COG3: variants seen among roughly 807,000 people sequenced by gnomAD.
COG3 encodes component of oligomeric golgi complex 3.
Under a neutral mutation model 114.1 loss-of-function variants are expected in COG3, and 32 were observed. That is an observed-to-expected ratio of 0.28 (90% confidence interval 0.21 to 0.38). The LOEUF (loss-of-function observed/expected upper bound fraction) is 0.38, where lower values mean the gene tolerates loss of function less well. COG3 is among the 10% of genes least tolerant of loss of function. The pLI, the probability that COG3 is intolerant of heterozygous loss-of-function variation, is 1.00. For synonymous variants in COG3, 352 were observed against 365.7 expected, an observed-to-expected ratio of 0.96 and a Z score of 0.43; for missense variants, 813 against 973.2, an observed-to-expected ratio of 0.84 and a Z score of 2.19.
At chr13:45,482,233 A>G (rs1322847689) in intron 5 of COG3, 148 bp from the exon 6 acceptor site, 1 of 515,240 alleles carries the variant, frequency 1.9e-6, no homozygotes. Context: ...CATGTGGGCT[A>G]CATTCGAGGA....
rs1041604141 is a variant in COG3 at position 45,480,174 on chromosome 13, T to A, written c.433T>A (p.Leu145Met). 1.9e-6 allele frequency: 3 copies of A among 1,613,868 alleles called. No homozygotes were observed. The highest frequency in any genetic ancestry group is 2.5e-6 in the Non-Finnish European group (3 of 1,179,808). Residue 145 changes from leucine to methionine, a missense_variant, in exon 4 of 23, where the codon TTG becomes ATG. Around this residue, in one of 2 missense-constraint regions of COG3, gnomAD observed 424 missense variants for 430.6 expected, o/e 0.98. Transcript: ENST00000349995. Reference protein sequence around the residue: ...SGFQEQCDAILNDVNSALQHL... With the variant: ...SGFQEQCDAIMNDVNSALQHL... ...GTTTCAGGAGCAGTGTGATGCTATA[T>A]TGAATGATGTAAACAGTGCTCTTCA... is the stretch of plus-strand genomic sequence containing the variant.
chr13:45,486,799 G>C (rs1393821719), intron 8 of COG3, among the ~76,000 whole-genome samples: 1 of 152,212 alleles, frequency 6.6e-6, no homozygotes, highest in East Asian at 1.9e-4. Context: ...CTCAGGGATG[G>C]TTTCTAGATG....
At chr13:45,511,715 T>A in intron 15 of COG3, 50 bp from the exon 16 acceptor site, 1 of 1,421,524 alleles carries the variant, frequency 7.0e-7, no homozygotes, top group Non-Finnish European at 9.9e-7. Flanking sequence ...ATTCCTTTTT[T>A]TTTGTTTTGT....
intron 8 of COG3, among the ~76,000 whole-genome samples, chr13:45,488,378 A>G (rs972562122): frequency 2.0e-5 from 3 of 152,152 alleles, no homozygotes; most frequent in East Asian, 1.9e-4. Context: ...AAGATTTGAA[A>G]TTTTCCCAGC....
intron 16 of COG3, among the ~76,000 whole-genome samples, chr13:45,514,412 T>C (rs971609706): frequency 6.6e-6 from 1 of 152,104 alleles, no homozygotes; most frequent in Non-Finnish European, 1.5e-5. Flanking sequence ...CCACCCGCCT[T>C]GGCCTCCCAA....
At chr13:45,505,601 G>A (rs35637447) in intron 14 of COG3, among the ~76,000 whole-genome samples, 21,964 of 151,618 alleles carry the variant, frequency 0.14, 2,534 homozygotes, top group African/African-American at 0.32. Context: ...CACTGCGCCT[G>A]ACCAATCCTG....
In COG3 at chr13:45,536,449, A is replaced by G. The variant is rs1873551805; in HGVS notation, c.*1718A>G. ...CCTTACAAAGTGCTGAGTAGGTAAT[A>G]GTGACCCAACTTGTTTGCTAAATGA... On this transcript the variant is annotated 3_prime_UTR_variant, in exon 23 of 23. Transcript: ENST00000349995. 6.6e-6 allele frequency: 1 copy of G among 152,226 alleles called. No individual in the cohort carries two copies. Among genetic ancestry groups the G allele is most frequent in the African/African-American group, 2.4e-5 (1 of 41,456 alleles). 9.4% of individuals were successfully genotyped at this position (152,226 alleles called of 1,614,324 possible).
intron 12 of COG3, among the ~76,000 whole-genome samples, chr13:45,495,062 T>C (rs1868593116): frequency 6.6e-6 from 1 of 151,310 alleles, no homozygotes; most frequent in Non-Finnish European, 1.5e-5. Flanking sequence ...GCCAGGATGG[T>C]CTCGATCTCT....
intron 12 of COG3, 40 bp downstream of exon 12, chr13:45,493,526 G>C (rs559702840): frequency 6.4e-7 from 1 of 1,559,048 alleles, no homozygotes; most frequent in Non-Finnish European, 8.7e-7. Flanking sequence ...TATATCACTG[G>C]CTCAATGAAT....
intron 13 of COG3, among the ~76,000 whole-genome samples, chr13:45,500,214 C>G (rs1052706123): frequency 2.0e-5 from 3 of 151,806 alleles, no homozygotes; most frequent in Admixed American, 6.6e-5. Flanking sequence ...GCTAAGTCAT[C>G]ATGTTTCTAA....
rs1887136793 is a variant in COG3, at chr13:45,493,408, G to A, written c.1249G>A (p.Val417Ile). Residue 417 changes from valine to isoleucine, a missense_variant, in exon 12 of 23, where the codon GTT (valine) becomes ATT (isoleucine). This residue lies in a region of COG3 where 389 missense variants were observed against 542.6 expected (regional missense o/e 0.72). Coordinates refer to ENST00000349995, the MANE Select transcript of COG3 (RefSeq NM_031431.4). Reference protein sequence around the residue: ...YDVFRPLIIHVIHLETLSELC... With the variant: ...YDVFRPLIIHIIHLETLSELC... Reference sequence around the variant, plus strand: ...TGTCTTCAGGCCATTGATCATTCATGTTATTCACTTAGAGACTCTGTCGGA... The same window carrying A: ...TGTCTTCAGGCCATTGATCATTCATATTATTCACTTAGAGACTCTGTCGGA... 1.2e-6 allele frequency: 2 copies of A among 1,613,090 alleles called. No homozygotes were observed. Among genetic ancestry groups the A allele is most frequent in the South Asian group, 2.2e-5 (2 of 91,054 alleles).
chr13:45,474,841 G>A (rs1885756933), intron 1 of COG3, among the ~76,000 whole-genome samples: 1 of 152,156 alleles, frequency 6.6e-6, no homozygotes, highest in Non-Finnish European at 1.5e-5. Flanking sequence ...GACCTTAAAT[G>A]TCATAAACTA....
At chr13:45,525,754 T>A (rs1348113052) in intron 20 of COG3, among the ~76,000 whole-genome samples, 1 of 148,260 alleles carries the variant, frequency 6.7e-6, no homozygotes, top group East Asian at 2.0e-4. Flanking sequence ...ATAAATCATT[T>A]TGTTAAATTG....
At position 45,492,219 on chromosome 13, in the gene COG3, G is replaced by T; in HGVS notation, c.1156G>T (p.Glu386Ter). The T allele has an allele frequency of 6.2e-7, 1 of 1,608,182 alleles. No individual in the cohort carries two copies. The highest frequency in any genetic ancestry group is 1.1e-5 in the South Asian group (1 of 90,152). ...CCAGGATGAACACCAACTTTACAAT[G>T]AATTTTTCACAAAACCAACATCAAA... ...VCQDEHQLYN[E>*]FFTKPTSKLD... Residue 386 changes from glutamate to a stop codon, truncating the protein, a stop_gained, in exon 11 of 23, where the codon GAA (glutamate) becomes TAA (stop). Coordinates refer to ENST00000349995, the MANE Select transcript of COG3 (RefSeq NM_031431.4). LOFTEE classifies it high-confidence loss of function.
At chr13:45,495,932 AATT>A (rs1160779307) in intron 12 of COG3, among the ~76,000 whole-genome samples, 1 of 152,160 alleles carries the variant, frequency 6.6e-6, no homozygotes, top group African/African-American at 2.4e-5. Flanking sequence ...TTAATAATAT[AATT>A]AAACAGAGTA....
intron 8 of COG3, among the ~76,000 whole-genome samples, chr13:45,487,778 G>T (rs1363776324): frequency 6.6e-6 from 1 of 152,210 alleles, no homozygotes; most frequent in African/African-American, 2.4e-5. Flanking sequence ...CTTATACACT[G>T]TTGATGGGAA....
chr13:45,514,749 G>T (rs975986460), intron 16 of COG3, among the ~76,000 whole-genome samples: 7 of 151,934 alleles, frequency 4.6e-5, no homozygotes, highest in Non-Finnish European at 1.0e-4. Context: ...CCAGGTTCAC[G>T]CCATTCTCCT....
intron 17 of COG3, among the ~76,000 whole-genome samples, chr13:45,518,291 A>G (rs769433931): frequency 4.6e-5 from 7 of 152,316 alleles, no homozygotes; most frequent in East Asian, 3.9e-4. Flanking sequence ...AATACTTCAC[A>G]TAGATTCTAG....
rs775502628 is a variant in COG3 at position 45,535,476 on chromosome 13, T to G, written c.*745T>G. The G allele has an allele frequency of 1.0e-6, 1 of 985,284 alleles. No homozygotes were observed. The highest frequency in any genetic ancestry group is 1.7e-5 in the African/African-American group (1 of 57,222). The allele number at this position is 985,284 out of a possible 1,614,324, so 61.0% of individuals were successfully genotyped here. ...ATCTTCATGGTATGATAGTGTGTGT[T>G]TGTGAGTGCGAAGTACCAATTAAGG... On this transcript the variant is annotated 3_prime_UTR_variant, in exon 23 of 23. Transcript: ENST00000349995.
Sources: allele counts gnomAD v4.1 joint callset (sites outside exome capture counted in the v4.1 genomes callset), GRCh38; gene constraint gnomAD v4.1.1; regional missense constraint gnomAD v4.1.1; transcripts MANE v1.5; gene names NCBI Gene and HGNC (gene_info 2026-07-23, HGNC 2026-07-21).